Variants in SPAST observed in about 807,000 individuals in gnomAD.
SPAST encodes spastic paraplegia 4 (autosomal dominant; spastin).
SPAST carries 30 observed loss-of-function variants against 76.6 expected under a neutral mutation model. The ratio of observed to expected loss-of-function variants is 0.39; its 90% confidence interval spans 0.29 to 0.53. The LOEUF is 0.53. SPAST is among the 20% of genes least tolerant of loss of function. The pLI is 0.68. For missense variants in SPAST, 717 were observed against 770.5 expected, an observed-to-expected ratio of 0.93 and a Z score of 0.82; for synonymous variants, 305 against 281.0, an observed-to-expected ratio of 1.09 and a Z score of -0.86.
intron 12 of SPAST, 26 bp from the exon 13 acceptor site, chr2:32,141,878 T>C: frequency 6.3e-7 from 1 of 1,594,736 alleles, no homozygotes. Flanking sequence ...ATTATATTTC[T>C]AAAAGTGCTG....
chr2:32,076,624 T>G lies in SPAST; in HGVS notation c.416-10868T>G, dbSNP rs183118215. ...ATTCATCCCTGAATTAATCAGTGATTATAATGCTTTGTGGTCCATGTAGTT... is the reference window on the plus strand; with the variant it reads ...ATTCATCCCTGAATTAATCAGTGATGATAATGCTTTGTGGTCCATGTAGTT... On this transcript the variant is annotated intron_variant, in intron 1 of 16. Transcript: ENST00000315285. 1.8e-3 allele frequency among the ~76,000 whole-genome samples: 270 copies of G among 152,292 alleles called. 1 individual carries two copies. The highest frequency in any genetic ancestry group is 5.9e-3 in the African/African-American group (244 of 41,558).
chr2:32,123,314 G>A (rs1375652270), intron 7 of SPAST, among the ~76,000 whole-genome samples: 1 of 151,994 alleles, frequency 6.6e-6, no homozygotes, highest in African/African-American at 2.4e-5. Context: ...TGAAATATGT[G>A]TAGTTCTAAC....
chr2:32,086,088 AAG>A (rs1005710894), intron 1 of SPAST, among the ~76,000 whole-genome samples: 1 of 152,076 alleles, frequency 6.6e-6, no homozygotes, highest in Admixed American at 6.6e-5. Context: ...CTGTTTCATC[AAG>A]AGTCATTGTA....
chr2:32,063,653 TG>T lies in SPAST; in HGVS notation c.-177del. The stretch of plus-strand genomic sequence containing the variant: ...GCAGGAGGAGAAGGGGTTGTGCTCC[TG>T]GCCGAGGAAGGAGAAAGGGGCGGGG... On this transcript the variant is annotated 5_prime_UTR_variant, in exon 1 of 17. Transcript: ENST00000315285. 1.3e-6 allele frequency: 1 copy of T among 766,780 alleles called. No individual in the cohort carries two copies. Among genetic ancestry groups the T allele is most frequent in the Non-Finnish European group, 2.0e-6 (1 of 494,582 alleles). The allele number at this position is 766,780 out of a possible 1,614,324, so 47.5% of individuals were successfully genotyped here. A position where few individuals can be genotyped will look rare whatever the true frequency, so the allele number is the denominator to read the frequency against.
At chr2:32,129,649 T>C (rs2148747371) in intron 9 of SPAST, 1 of 152,370 alleles carries the variant, frequency 6.6e-6, no homozygotes, top group Non-Finnish European at 1.5e-5. Context: ...TCCCTTTCTC[T>C]TGGTTGCCCC....
Position 32,154,553 on chromosome 2 carries a change from T to C in SPAST, c.*57T>C. On this transcript the variant is annotated 3_prime_UTR_variant, in exon 17 of 17. Coordinates refer to ENST00000315285, the MANE Select transcript of SPAST (RefSeq NM_014946.4). ...TACTTAAAAGAGGAAACACAAGATC[T>C]TCAATGAACGTCATCGGCTACAGAA... 1 of 1,564,836 alleles carries C rather than the reference T, an allele frequency of 6.4e-7. No homozygotes were observed. Among genetic ancestry groups the C allele is most frequent in the Non-Finnish European group, 8.8e-7 (1 of 1,136,016 alleles).
At chr2:32,145,064 T>A (rs1276188336) in intron 15 of SPAST, 57 bp downstream of exon 15, 6 of 1,304,404 alleles carry the variant, frequency 4.6e-6, no homozygotes, top group Non-Finnish European at 6.6e-6. Context: ...CCTTAGAAGT[T>A]TAAGAAGTCC....
intron 16 of SPAST, among the ~76,000 whole-genome samples, chr2:32,147,965 G>A (rs541977936): frequency 1.6e-3 from 196 of 126,448 alleles, no homozygotes; most frequent in Admixed American, 2.2e-3. Context: ...ACAGGGTCTT[G>A]CTCTGTTCTC....
chr2:32,078,626 G>T (rs550176411), intron 1 of SPAST, among the ~76,000 whole-genome samples: 1 of 152,218 alleles, frequency 6.6e-6, no homozygotes, highest in Admixed American at 6.5e-5. Context: ...CTCCAGCTTG[G>T]GTGACAGAGT....
chr2:32,121,329 TTTTAG>T (rs1475762235), intron 7 of SPAST, among the ~76,000 whole-genome samples: 2 of 151,694 alleles, frequency 1.3e-5, no homozygotes, highest in African/African-American at 2.4e-5. Flanking sequence ...ATTTTTGTAT[TTTTAG>T]TAGAGACGGG....
At chr2:32,115,293 T>C (rs1558324004) in intron 5 of SPAST, among the ~76,000 whole-genome samples, 1 of 152,152 alleles carries the variant, frequency 6.6e-6, no homozygotes, top group Non-Finnish European at 1.5e-5. Flanking sequence ...TAAAACTTTT[T>C]TTGGACCTCA....
intron 4 of SPAST, among the ~76,000 whole-genome samples, chr2:32,099,585 T>A (rs1466076312): frequency 6.6e-6 from 1 of 152,196 alleles, no homozygotes; most frequent in South Asian, 2.1e-4. Flanking sequence ...ACAGTGATGT[T>A]TTGATACATA....
chr2:32,126,890 A>G lies in SPAST; in HGVS notation c.1099-58A>G. ...AAAAAAGGATGCTTTTTAGATGGCA[A>G]AGAGTACTTAAAATGTCTCTAGAAT... On this transcript the variant is annotated intron_variant, in intron 7 of 16. Transcript: ENST00000315285. 6 of 1,199,254 alleles carry G rather than the reference A, an allele frequency of 5.0e-6. No homozygotes were observed. In the East Asian group the frequency reaches 1.2e-4, roughly 23 times the overall value. 74.3% of individuals were successfully genotyped at this position (1,199,254 alleles called of 1,614,324 possible).
rs1230175865 is a variant in SPAST at position 32,087,418 on chromosome 2, CCT to C, written c.416-70_416-69del. On this transcript the variant is annotated intron_variant, in intron 1 of 16. Coordinates refer to ENST00000315285, the MANE Select transcript of SPAST (RefSeq NM_014946.4). Reference sequence around the variant, plus strand: ...TCACAACCCTGTTTTTTATGTATTACCTCTCAACAGCATGATTTGCAATATTT... The same window carrying C: ...TCACAACCCTGTTTTTTATGTATTACCTCAACAGCATGATTTGCAATATTT... 93 of 869,222 alleles carry C rather than the reference CCT, an allele frequency of 1.1e-4. 1 individual carries two copies. The East Asian group carries it at 2.3e-3, about 21-fold the overall frequency. The allele number at this position is 869,222 out of a possible 1,614,324, so 53.8% of individuals were successfully genotyped here.
In SPAST at chr2:32,078,471, C is replaced by T. The variant is rs552318094; in HGVS notation, c.416-9021C>T. Among the ~76,000 whole-genome samples, 153 of 152,202 alleles carry T rather than the reference C, an allele frequency of 1.0e-3. 1 individual carries two copies. The highest frequency in any genetic ancestry group is 3.6e-3 in the African/African-American group (149 of 41,542). ...GATTACAGGTGTGAGCCACTGTGCC[C>T]GGCCCCATTTCTACAACAATTAAAA... On this transcript the variant is annotated intron_variant, in intron 1 of 16. Transcript: ENST00000315285.
chr2:32,085,464 G>T (rs916158134), intron 1 of SPAST, among the ~76,000 whole-genome samples: 5 of 152,036 alleles, frequency 3.3e-5, no homozygotes, highest in Admixed American at 2.6e-4. Flanking sequence ...CAGTCCTCCT[G>T]CCTTGGCCTC....
intron 7 of SPAST, among the ~76,000 whole-genome samples, 174 bp downstream of exon 7, chr2:32,116,386 TATAGA>T (rs1678835837): frequency 6.6e-6 from 1 of 152,250 alleles, no homozygotes; most frequent in South Asian, 2.1e-4. Context: ...GAGAAGTTAT[TATAGA>T]ATAGGAAAAT....
chr2:32,087,644 G>GATAT, intron 2 of SPAST, 66 bp downstream of exon 2: 3 of 597,690 alleles, frequency 5.0e-6, no homozygotes, highest in Admixed American at 3.0e-5. Context: ...CCAGATTTCA[G>GATAT]ATCTATTTAT....
rs751612051 is a variant in SPAST, at chr2:32,114,666, C to T, written c.711C>T (p.Asp237=). The T allele has an allele frequency of 2.5e-6, 4 of 1,614,060 alleles. No individual in the cohort carries two copies. Among genetic ancestry groups the T allele is most frequent in the South Asian group, 1.1e-5 (1 of 91,084 alleles). Residue 237 remains aspartate (D), a synonymous_variant, in exon 5 of 17, where the codon GAC becomes GAT. Transcript: ENST00000315285. ...SESGAVPKRK[D]PLTHTSNSLP... is the part of the protein sequence containing the mutation. The stretch of plus-strand genomic sequence containing the variant: ...GTGGAGCTGTTCCAAAAAGAAAAGA[C>T]CCCTTAACACACACTAGTAATTCAC...
Sources: gnomAD v4.1 joint callset for allele counts (sites outside exome capture counted in the v4.1 genomes callset) on GRCh38, gnomAD v4.1.1 for gene constraint, MANE v1.5 for transcripts, NCBI Gene and HGNC (gene_info 2026-07-23, HGNC 2026-07-21) for gene names.